Variants in AKAP6 observed in about 807,000 individuals in gnomAD.
AKAP6 encodes A-kinase anchor protein 6.
A neutral mutation model predicts 188.5 loss-of-function variants in AKAP6; 58 were observed. That is an observed-to-expected ratio of 0.31 (90% CI 0.25 to 0.38). The LOEUF (loss-of-function observed/expected upper bound fraction) is 0.38, where lower values mean the gene tolerates loss of function less well. Among genes scored for constraint, AKAP6 ranks in the 10% least tolerant of loss-of-function variants. The pLI is 1.00. For synonymous variants in AKAP6, 989 were observed against 998.6 expected, an observed-to-expected ratio of 0.99 and a Z score of 0.18; for missense variants, 2,710 against 2,740.0, an observed-to-expected ratio of 0.99 and a Z score of 0.24.
At chr14:32,419,705 T>A (rs750191386) in intron 1 of AKAP6, among the ~76,000 whole-genome samples, 38 of 152,224 alleles carry the variant, frequency 2.5e-4, no homozygotes, top group Non-Finnish European at 5.1e-4. Context: ...CAGTTCTTTC[T>A]TGAAGGGATT....
chr14:32,730,596 A>G (rs1156969578), intron 9 of AKAP6, among the ~76,000 whole-genome samples: 3 of 152,072 alleles, frequency 2.0e-5, no homozygotes, highest in African/African-American at 4.8e-5. Context: ...TAAAGGGATA[A>G]CTGGTAGAGG....
Position 32,394,700 on chromosome 14 carries a change from G to GT in AKAP6, c.-34-38755dup, listed in dbSNP as rs575213155. On this transcript the variant is annotated intron_variant, in intron 1 of 13. Transcript: ENST00000280979. ...CTGCATTTGTTTGTTGCATGTGTCT[G>GT]TTTTTACTGGGGTGACCTTTGGTTC... Among the ~76,000 whole-genome samples, 138 of 152,232 alleles carry GT rather than the reference G, an allele frequency of 9.1e-4. 1 individual carries two copies. The East Asian group carries it at 0.022, about 25-fold the overall frequency.
chr14:32,337,220 T>A (rs1886732664), intron 1 of AKAP6, among the ~76,000 whole-genome samples: 2 of 152,064 alleles, frequency 1.3e-5, no homozygotes, highest in Admixed American at 1.3e-4. Context: ...GTTTAAAAAA[T>A]TTGTCCTTTA....
At chr14:32,644,935 G>A (rs1017570250) in intron 7 of AKAP6, among the ~76,000 whole-genome samples, 2 of 152,012 alleles carry the variant, frequency 1.3e-5, no homozygotes, top group African/African-American at 4.8e-5. Flanking sequence ...ACAGACTAAC[G>A]GGTATATATA....
At chr14:32,754,306 T>C (rs2032252386) in intron 11 of AKAP6, among the ~76,000 whole-genome samples, 2 of 152,256 alleles carry the variant, frequency 1.3e-5, no homozygotes, top group South Asian at 2.1e-4. Flanking sequence ...ATAGCCACCC[T>C]GCTCTCTTTT....
intron 11 of AKAP6, among the ~76,000 whole-genome samples, chr14:32,744,284 T>G (rs1034816453): frequency 6.6e-6 from 1 of 151,956 alleles, no homozygotes; most frequent in Non-Finnish European, 1.5e-5. Flanking sequence ...TGCTTGGTGT[T>G]ATATTCTGTT....
intron 7 of AKAP6, among the ~76,000 whole-genome samples, chr14:32,629,493 T>G (rs1036613002): frequency 6.6e-6 from 1 of 150,378 alleles, no homozygotes; most frequent in African/African-American, 2.4e-5. Context: ...GAAAGCCATT[T>G]GAGTATATTT....
chr14:32,686,430 TAAAG>T (rs1889928708), intron 8 of AKAP6, among the ~76,000 whole-genome samples: 1 of 152,010 alleles, frequency 6.6e-6, no homozygotes, highest in African/African-American at 2.4e-5. Context: ...CATTTTAAAA[TAAAG>T]AAAAGAGTAT....
chr14:32,809,605 C>T (rs143377779), intron 12 of AKAP6, among the ~76,000 whole-genome samples: 51 of 152,192 alleles, frequency 3.4e-4, no homozygotes, highest in African/African-American at 1.1e-3. Flanking sequence ...GATCAGGCAA[C>T]GTAATAAATG....
intron 7 of AKAP6, among the ~76,000 whole-genome samples, chr14:32,620,103 G>A (rs1417953400): frequency 2.6e-5 from 4 of 151,566 alleles, no homozygotes; most frequent in South Asian, 2.1e-4. Flanking sequence ...TGATCAAAAC[G>A]TTGGCAAACT....
intron 2 of AKAP6, among the ~76,000 whole-genome samples, chr14:32,463,967 T>C (rs951986018): frequency 6.6e-6 from 1 of 152,034 alleles, no homozygotes; most frequent in African/African-American, 2.4e-5. Flanking sequence ...TATAAACACC[T>C]CAACACAAAT....
chr14:32,671,343 G>A (rs1889184135), intron 7 of AKAP6, among the ~76,000 whole-genome samples: 1 of 152,156 alleles, frequency 6.6e-6, no homozygotes, highest in African/African-American at 2.4e-5. Flanking sequence ...TCTGATTGGG[G>A]TGTGTTCAAG....
intron 9 of AKAP6, among the ~76,000 whole-genome samples, chr14:32,713,078 G>A (rs1209432281): frequency 6.6e-6 from 1 of 152,042 alleles, no homozygotes; most frequent in African/African-American, 2.4e-5. Flanking sequence ...GTGTTAATAG[G>A]CATGAAAACA....
At chr14:32,510,439 TATATATATATAC>T (rs1566546741) in intron 2 of AKAP6, among the ~76,000 whole-genome samples, 18 of 22,106 alleles carry the variant, frequency 8.1e-4, no homozygotes, top group East Asian at 2.6e-3. Context: ...TATATATGTG[TATATATATATAC>T]ATATATATGT....
chr14:32,566,089 A>G (rs1160140261), intron 4 of AKAP6, among the ~76,000 whole-genome samples: 1 of 152,186 alleles, frequency 6.6e-6, no homozygotes, highest in Non-Finnish European at 1.5e-5. Flanking sequence ...CAGGGAGTCC[A>G]CAAGGTCAAA....
intron 2 of AKAP6, among the ~76,000 whole-genome samples, chr14:32,526,511 G>T (rs1403138958): frequency 6.6e-6 from 1 of 152,144 alleles, no homozygotes; most frequent in Non-Finnish European, 1.5e-5. Context: ...TGGCATTACA[G>T]ATGTGAGCCA....
chr14:32,653,838 T>C (rs1262114060), intron 7 of AKAP6, among the ~76,000 whole-genome samples: 3 of 152,212 alleles, frequency 2.0e-5, no homozygotes, highest in Non-Finnish European at 4.4e-5. Flanking sequence ...TTTTTATTTA[T>C]AGTCATGATT....
At chr14:32,508,280 C>T (rs993267951) in intron 2 of AKAP6, among the ~76,000 whole-genome samples, 2 of 152,080 alleles carry the variant, frequency 1.3e-5, no homozygotes, top group African/African-American at 4.8e-5. Context: ...AGAATGATTG[C>T]CTTGGGAAAA....
At chr14:32,564,896 T>C (rs1389256413) in intron 4 of AKAP6, among the ~76,000 whole-genome samples, 2 of 152,238 alleles carry the variant, frequency 1.3e-5, no homozygotes, top group Non-Finnish European at 2.9e-5. Flanking sequence ...CTCTTTATCT[T>C]TCTATCCTTG....
Sources: allele counts gnomAD v4.1 joint callset (sites outside exome capture counted in the v4.1 genomes callset), GRCh38; gene constraint gnomAD v4.1.1; transcripts MANE v1.5; gene names NCBI Gene and HGNC (gene_info 2026-07-23, HGNC 2026-07-21).